PLD1: variants seen among roughly 807,000 people sequenced by gnomAD.
PLD1 encodes the protein phospholipase D1, also known as choline phosphatase 1.
PLD1 carries 112 observed loss-of-function variants against 137.1 expected under a neutral mutation model. The observed-to-expected ratio is 0.82, with a 90% CI of 0.70 to 0.96. The LOEUF is 0.96. Ranked by LOEUF, PLD1 falls within the 40% of genes least tolerant of loss-of-function variation. The probability of loss-of-function intolerance (pLI) is 0.00; values close to 1 mark genes in which losing one functional copy is unlikely to be tolerated. For synonymous variants in PLD1, 431 were observed against 454.7 expected (o/e 0.95, Z 0.66); for missense variants, 1,321 against 1,342.0 (o/e 0.98, Z 0.24).
intron 25 of PLD1, among the ~76,000 whole-genome samples, chr3:171,609,283 T>C (rs1455355240): frequency 6.6e-6 from 1 of 152,144 alleles, no homozygotes; most frequent in Non-Finnish European, 1.5e-5. Context: ...ATATACACTG[T>C]TGGTGATAAC....
At chr3:171,742,368 G>A (rs889128758) in intron 1 of PLD1, among the ~76,000 whole-genome samples, 4 of 152,082 alleles carry the variant, frequency 2.6e-5, no homozygotes, top group Admixed American at 6.6e-5. Flanking sequence ...TAAGACTGTA[G>A]GCATGTGCCA....
intron 23 of PLD1, among the ~76,000 whole-genome samples, chr3:171,628,223 C>T (rs1282063852): frequency 6.6e-6 from 1 of 152,200 alleles, no homozygotes; most frequent in African/African-American, 2.4e-5. Context: ...TCAGAGAATA[C>T]TACAAACACC....
At chr3:171,680,337 C>A (rs781483899) in intron 16 of PLD1, among the ~76,000 whole-genome samples, 1 of 140,078 alleles carries the variant, frequency 7.1e-6, no homozygotes, top group Non-Finnish European at 1.5e-5. Flanking sequence ...AGTGTTCAAG[C>A]AATTCTCCTG....
intron 11 of PLD1, among the ~76,000 whole-genome samples, chr3:171,707,584 G>A (rs930763705): frequency 5.9e-5 from 9 of 152,136 alleles, no homozygotes; most frequent in African/African-American, 2.2e-4. Flanking sequence ...CCACAAGCAT[G>A]AGCATGCTGG....
chr3:171,752,017 A>G (rs931876254), intron 1 of PLD1, among the ~76,000 whole-genome samples: 1 of 151,916 alleles, frequency 6.6e-6, no homozygotes, highest in Non-Finnish European at 1.5e-5. Context: ...AAAAAAAAAA[A>G]GAAAGAAAGA....
rs1720172220 is a variant in PLD1, at chr3:171,746,288, G to C, written c.-31-8206C>G. Among the ~76,000 whole-genome samples the C allele has an allele frequency of 2.0e-5, 3 of 152,222 alleles. No homozygotes were observed. The South Asian group carries it at 6.2e-4, about 31-fold the overall frequency. On this transcript the variant is annotated intron_variant, in intron 1 of 26. Coordinates refer to ENST00000351298, the MANE Select transcript of PLD1 (RefSeq NM_002662.5). Reference sequence around the variant, plus strand: ...GCTCGCAGCGCGGGACTGGCGGGCAGCTCAGCCTGCAGCCTGGGCACGGGA... The same window carrying C: ...GCTCGCAGCGCGGGACTGGCGGGCACCTCAGCCTGCAGCCTGGGCACGGGA...
At chr3:171,764,826 AGAAAGAAAGAAAG>A (rs1721700993) in intron 1 of PLD1, among the ~76,000 whole-genome samples, 2 of 23,754 alleles carry the variant, frequency 8.4e-5, no homozygotes, top group South Asian at 2.6e-3. Context: ...AGAAAGAAAG[AGAAAGAAAGAAAG>A]AAAGAAAGAA....
In PLD1 at chr3:171,635,070, C is replaced by T. The variant is rs539192619; in HGVS notation, c.2593+7770G>A. 6.6e-5 allele frequency among the ~76,000 whole-genome samples: 10 copies of T among 152,144 alleles called. No homozygotes were observed. In the East Asian group the frequency reaches 1.9e-3, roughly 29 times the overall value. On this transcript the variant is annotated intron_variant, in intron 23 of 26. Coordinates refer to ENST00000351298, the MANE Select transcript of PLD1 (RefSeq NM_002662.5). ...CTTCTTTCACTTAGTGTAAGGTCTT[C>T]GAGGTTCATCTGTGATGTAGTATAT...
Position 171,735,656 on chromosome 3 carries a change from ATGTT to A in PLD1, c.289-23_289-20del. The A allele has an allele frequency of 7.2e-7, 1 of 1,391,156 alleles. No homozygotes were observed. Among genetic ancestry groups the A allele is most frequent in the Non-Finnish European group, 1.0e-6 (1 of 981,404 alleles). 86.2% of individuals were successfully genotyped at this position (1,391,156 alleles called of 1,614,324 possible). ...TTGGTACCTACAGTGATACATAAAA[ATGTT>A]TGATATTTTAGATAACAACAAAAAT... On this transcript the variant is annotated intron_variant, in intron 3 of 26. Coordinates refer to ENST00000351298, the MANE Select transcript of PLD1 (RefSeq NM_002662.5).
rs191098753 is a variant in PLD1 at position 171,805,560 on chromosome 3, A to G, written c.-32+4839T>C. 4.8e-3 allele frequency among the ~76,000 whole-genome samples: 727 copies of G among 152,292 alleles called. 10 individuals are homozygous for G. Among genetic ancestry groups the G allele is most frequent in the African/African-American group, 0.017 (699 of 41,558 alleles). On this transcript the variant is annotated intron_variant, in intron 1 of 26. Transcript: ENST00000351298. Reference sequence around the variant, plus strand: ...ATCAGGAGTTAAGGCCTGGCCCAGCAGAGGATCTCCAGGACCCTGCCCCAG... The same window carrying G: ...ATCAGGAGTTAAGGCCTGGCCCAGCGGAGGATCTCCAGGACCCTGCCCCAG...
At chr3:171,650,182 G>C (rs1316029041) in intron 21 of PLD1, among the ~76,000 whole-genome samples, 3 of 152,092 alleles carry the variant, frequency 2.0e-5, no homozygotes, top group Admixed American at 1.3e-4. Context: ...GGAGTGTAGA[G>C]AAATAAGAGC....
At position 171,642,825 on chromosome 3, in the gene PLD1, A is replaced by C; in HGVS notation, c.2593+15T>G. The C allele has an allele frequency of 1.3e-6, 2 of 1,498,926 alleles. No homozygotes were observed. The highest frequency in any genetic ancestry group is 1.8e-6 in the Non-Finnish European group (2 of 1,091,226). The allele number at this position is 1,498,926 out of a possible 1,614,324, so 92.9% of individuals were successfully genotyped here. A position where few individuals can be genotyped will look rare whatever the true frequency, so the allele number is the denominator to read the frequency against. ...AATAAAAAACAATGATATGAGAAAA[A>C]AAGCAGTTACTTACGCTCTGCTTTT... On this transcript the variant is annotated intron_variant, in intron 23 of 26. Coordinates refer to ENST00000351298, the MANE Select transcript of PLD1 (RefSeq NM_002662.5).
At position 171,805,137 on chromosome 3, in the gene PLD1, A is replaced by AAGAAAT. The variant is rs555774339; in HGVS notation, c.-32+5261_-32+5262insATTTCT. ...CTCTTTCTTAACAAAAGAACTGACT[A>AAGAAAT]AACTAAGTTATTTTTATTTCCATGT... is the stretch of plus-strand genomic sequence containing the variant. On this transcript the variant is annotated intron_variant, in intron 1 of 26. Transcript: ENST00000351298. 3.0e-4 allele frequency among the ~76,000 whole-genome samples: 46 copies of AAGAAAT among 152,348 alleles called. No homozygotes were observed. In the South Asian group the frequency reaches 8.9e-3, roughly 29 times the overall value.
intron 16 of PLD1, among the ~76,000 whole-genome samples, chr3:171,685,811 C>T (rs1714491799): frequency 1.3e-5 from 2 of 152,240 alleles, no homozygotes; most frequent in South Asian, 2.1e-4. Flanking sequence ...GACACATCCA[C>T]CCAAAGGCCT....
At position 171,730,420 on chromosome 3, in the gene PLD1, G is replaced by GAAA. The variant is rs576994873; in HGVS notation, c.606+3021_606+3023dup. 6.8e-4 allele frequency among the ~76,000 whole-genome samples: 90 copies of GAAA among 132,334 alleles called. 1 individual carries two copies. The highest frequency in any genetic ancestry group is 2.4e-3 in the African/African-American group (88 of 36,292). 86.8% of individuals were successfully genotyped at this position (132,334 alleles called of 152,430 possible). A position where few individuals can be genotyped will look rare whatever the true frequency, so the allele number is the denominator to read the frequency against. Reference sequence around the variant, plus strand: ...CTCTCCTTTGCAGAACCACAAGAAGGAAAAAAAAAAAAAGAATTAAAAGCA... The same window carrying GAAA: ...CTCTCCTTTGCAGAACCACAAGAAGGAAAAAAAAAAAAAAAAGAATTAAAAGCA... On this transcript the variant is annotated intron_variant, in intron 6 of 26. Transcript: ENST00000351298.
chr3:171,609,502 AAG>A (rs1299439316), intron 25 of PLD1, among the ~76,000 whole-genome samples: 3 of 130,546 alleles, frequency 2.3e-5, no homozygotes, highest in African/African-American at 8.6e-5. Flanking sequence ...CAATTACATA[AAG>A]AAAACACACA....
chr3:171,768,315 G>A (rs1342417184), intron 1 of PLD1, among the ~76,000 whole-genome samples: 1 of 152,132 alleles, frequency 6.6e-6, no homozygotes, highest in Non-Finnish European at 1.5e-5. Context: ...TAAGACCTAT[G>A]TGCACACAAG....
intron 1 of PLD1, among the ~76,000 whole-genome samples, chr3:171,750,534 A>G (rs1720580225): frequency 6.6e-6 from 1 of 152,216 alleles, no homozygotes; most frequent in African/African-American, 2.4e-5. Flanking sequence ...ATAAATTTAC[A>G]GGTTGAAGAA....
chr3:171,692,148 AC>A (rs370799334), intron 13 of PLD1, among the ~76,000 whole-genome samples, 183 bp downstream of exon 13: 151 of 152,310 alleles, frequency 9.9e-4, no homozygotes, highest in African/African-American at 3.4e-3. Context: ...AGATCTGCTT[AC>A]CCCCATCAAT....
Sources: gnomAD v4.1 joint callset for allele counts (sites outside exome capture counted in the v4.1 genomes callset) on GRCh38, gnomAD v4.1.1 for gene constraint, MANE v1.5 for transcripts, NCBI Gene and HGNC (gene_info 2026-07-23, HGNC 2026-07-21) for gene names.